Variants in GRM5 observed in about 807,000 individuals in gnomAD.
GRM5 encodes the protein glutamate metabotropic receptor 5.
A neutral mutation model predicts 83.1 loss-of-function variants in GRM5; 19 were observed. The ratio of observed to expected loss-of-function variants is 0.23; its 90% CI spans 0.16 to 0.34. The LOEUF is 0.34. Ranked by LOEUF, GRM5 falls within the 10% of genes least tolerant of loss-of-function variation. The pLI, the probability that GRM5 is intolerant of heterozygous loss-of-function variation, is 1.00. For synonymous variants in GRM5, 675 were observed against 633.6 expected (o/e 1.07, Z -0.98); for missense variants, 1,160 against 1,588.3 (o/e 0.73, Z 4.58).
At chr11:88,721,042 A>AT (rs536768699) in intron 3 of GRM5, among the ~76,000 whole-genome samples, 196 of 152,124 alleles carry the variant, frequency 1.3e-3, no homozygotes, top group African/African-American at 4.5e-3. Flanking sequence ...CACTTGTGTG[A>AT]TTTTAAGTAC....
chr11:88,698,076 C>G (rs756240318), intron 3 of GRM5, among the ~76,000 whole-genome samples: 1 of 152,172 alleles, frequency 6.6e-6, no homozygotes, highest in Non-Finnish European at 1.5e-5. Context: ...TCTTTACTGT[C>G]ATTCAGACTC....
intron 8 of GRM5, among the ~76,000 whole-genome samples, chr11:88,550,971 T>C (rs1423955304): frequency 6.6e-6 from 1 of 152,132 alleles, no homozygotes; most frequent in East Asian, 1.9e-4. Context: ...TGTCTCAACT[T>C]CCTTACTTAT....
intron 2 of GRM5, among the ~76,000 whole-genome samples, chr11:88,985,140 A>G (rs970915214): frequency 6.6e-6 from 1 of 152,016 alleles, no homozygotes; most frequent in African/African-American, 2.4e-5. Context: ...TAATCTCACC[A>G]TGTTTTTTAA....
At chr11:88,665,001 C>A (rs567803939) in intron 3 of GRM5, among the ~76,000 whole-genome samples, 12 of 152,178 alleles carry the variant, frequency 7.9e-5, no homozygotes, top group African/African-American at 2.9e-4. Flanking sequence ...GCTTGCAAAG[C>A]AAGCAAATTG....
At chr11:89,060,999 GT>G (rs1941979983) in intron 1 of GRM5, among the ~76,000 whole-genome samples, 1 of 152,006 alleles carries the variant, frequency 6.6e-6, no homozygotes, top group Non-Finnish European at 1.5e-5. Flanking sequence ...TATTTCTAAA[GT>G]GCAGAATCTT....
At chr11:88,911,792 T>C (rs369760729) in intron 2 of GRM5, 3,810 of 289,694 alleles carry the variant, frequency 0.013, 72 homozygotes, top group South Asian at 0.044. Context: ...CTGTGCTCAC[T>C]GTGCTTACTT....
chr11:88,792,337 T>C lies in GRM5; in HGVS notation c.911+57569A>G, dbSNP rs565631245. Among the ~76,000 whole-genome samples, 26 of 152,244 alleles carry C rather than the reference T, an allele frequency of 1.7e-4. No homozygotes were observed. In the South Asian group the frequency reaches 2.5e-3, roughly 15 times the overall value. On this transcript the variant is annotated intron_variant, in intron 3 of 9. Coordinates refer to ENST00000305447, the MANE Select transcript of GRM5 (RefSeq NM_001143831.3). ...GGAACTTAGGACATTTATTCTATTG[T>C]TCTAATTTGGGCTATTTATAGGCCA... is the stretch of plus-strand genomic sequence containing the variant.
chr11:88,623,296 A>AT (rs1334693794), intron 4 of GRM5, among the ~76,000 whole-genome samples: 1 of 150,274 alleles, frequency 6.7e-6, no homozygotes, highest in African/African-American at 2.5e-5. Flanking sequence ...GTATTTTGTA[A>AT]TTTTTTGTAT....
chr11:88,553,592 G>A (rs1403370085), intron 8 of GRM5, among the ~76,000 whole-genome samples: 1 of 152,084 alleles, frequency 6.6e-6, no homozygotes, highest in African/African-American at 2.4e-5. Flanking sequence ...CACAGCATAG[G>A]GGAAAATTAA....
intron 3 of GRM5, among the ~76,000 whole-genome samples, chr11:88,716,143 G>C (rs1227677739): frequency 6.6e-6 from 1 of 151,980 alleles, no homozygotes; most frequent in Non-Finnish European, 1.5e-5. Context: ...TGTTCTGTAA[G>C]GTCAAGGGCA....
chr11:88,799,944 G>A (rs1455771478), intron 3 of GRM5, among the ~76,000 whole-genome samples: 1 of 152,092 alleles, frequency 6.6e-6, no homozygotes, highest in Non-Finnish European at 1.5e-5. Flanking sequence ...GACTCTGTGG[G>A]CCAATAGGCA....
intron 3 of GRM5, among the ~76,000 whole-genome samples, chr11:88,842,719 G>A (rs1330856683): frequency 6.6e-6 from 1 of 151,794 alleles, no homozygotes; most frequent in African/African-American, 2.4e-5. Context: ...TAAATGCTGA[G>A]GTCCCTCAAA....
chr11:88,890,147 G>T (rs866782159), intron 2 of GRM5, among the ~76,000 whole-genome samples: 1 of 102,832 alleles, frequency 9.7e-6, no homozygotes, highest in Non-Finnish European at 2.1e-5. Context: ...ACCCCCGACT[G>T]AGAGATGATA....
At chr11:88,722,317 G>A (rs1941563034) in intron 3 of GRM5, among the ~76,000 whole-genome samples, 1 of 152,112 alleles carries the variant, frequency 6.6e-6, no homozygotes, top group Admixed American at 6.6e-5. Flanking sequence ...TGTGAAATCT[G>A]CCTCCAACCA....
At chr11:88,785,017 T>A (rs947702366) in intron 3 of GRM5, among the ~76,000 whole-genome samples, 1 of 152,052 alleles carries the variant, frequency 6.6e-6, no homozygotes, top group African/African-American at 2.4e-5. Flanking sequence ...AATTTTATAT[T>A]CAGTTTAGCA....
intron 2 of GRM5, among the ~76,000 whole-genome samples, chr11:88,899,766 A>T (rs565360352): frequency 3.3e-5 from 5 of 152,070 alleles, no homozygotes; most frequent in African/African-American, 1.2e-4. Context: ...ATCTTTTAAG[A>T]AAAGTCTGAA....
At chr11:88,781,698 C>T (rs1225803472) in intron 3 of GRM5, among the ~76,000 whole-genome samples, 1 of 152,190 alleles carries the variant, frequency 6.6e-6, no homozygotes, top group Non-Finnish European at 1.5e-5. Context: ...TGCATTCCTG[C>T]TAAGCATGAA....
At chr11:88,987,731 C>T (rs930888794) in intron 2 of GRM5, among the ~76,000 whole-genome samples, 2 of 151,922 alleles carry the variant, frequency 1.3e-5, no homozygotes, top group Admixed American at 6.6e-5. Context: ...AACTGGGAGG[C>T]ACCCCCCAGC....
At chr11:89,003,520 A>G (rs1484264986) in intron 2 of GRM5, among the ~76,000 whole-genome samples, 1 of 152,178 alleles carries the variant, frequency 6.6e-6, no homozygotes, top group Non-Finnish European at 1.5e-5. Context: ...AAGCATGGAA[A>G]AAGGACTAGC....
Sources: allele counts gnomAD v4.1 joint callset (sites outside exome capture counted in the v4.1 genomes callset), GRCh38; gene constraint gnomAD v4.1.1; transcripts MANE v1.5; gene names NCBI Gene and HGNC (gene_info 2026-07-23, HGNC 2026-07-21).